Variants in PARL observed in about 807,000 individuals in gnomAD.
PARL encodes presenilin-associated rhomboid-like protein, mitochondrial.
A neutral mutation model predicts 51.6 loss-of-function variants in PARL; 44 were observed. The observed-to-expected ratio is 0.85, with a 90% CI of 0.67 to 1.10. The LOEUF (loss-of-function observed/expected upper bound fraction) is 1.10. Ranked by LOEUF, PARL falls within the 50% of genes least tolerant of loss-of-function variation. PARL has a pLI of 0.00. For synonymous variants in PARL, 172 were observed against 164.0 expected, an observed-to-expected ratio of 1.05 and a Z score of -0.37; for missense variants, 441 against 469.5, an observed-to-expected ratio of 0.94 and a Z score of 0.56.
chr3:183,839,684 G>T (rs1729060193), intron 7 of PARL, among the ~76,000 whole-genome samples: 1 of 151,960 alleles, frequency 6.6e-6, no homozygotes, highest in Admixed American at 6.6e-5. Context: ...CTCCCAAAGT[G>T]CTGGGATTAC....
At chr3:183,838,243 T>C (rs1728880705) in intron 7 of PARL, among the ~76,000 whole-genome samples, 1 of 152,034 alleles carries the variant, frequency 6.6e-6, no homozygotes, top group East Asian at 1.9e-4. Context: ...CCCAGGCTAG[T>C]CTCAAACCTC....
intron 1 of PARL, among the ~76,000 whole-genome samples, chr3:183,884,401 T>C (rs1229388779): frequency 6.6e-6 from 1 of 152,208 alleles, no homozygotes; most frequent in Non-Finnish European, 1.5e-5. Flanking sequence ...TACTAACTTC[T>C]TCACTTCAGA....
chr3:183,845,507 G>T (rs548999403), intron 4 of PARL, among the ~76,000 whole-genome samples: 1 of 152,318 alleles, frequency 6.6e-6, no homozygotes, highest in East Asian at 1.9e-4. Context: ...TCCATCAGTT[G>T]TATCAGATGT....
intron 4 of PARL, among the ~76,000 whole-genome samples, chr3:183,848,949 C>G (rs939221692): frequency 6.6e-6 from 1 of 151,862 alleles, no homozygotes; most frequent in African/African-American, 2.4e-5. Context: ...AAATTCATTG[C>G]TAGAGAAAAA....
At chr3:183,840,768 G>A in intron 6 of PARL, 128 bp from the exon 7 acceptor site, 1 of 601,614 alleles carries the variant, frequency 1.7e-6, no homozygotes, top group Middle Eastern at 4.7e-4. Context: ...AAGTGCAGTG[G>A]TACAATTTTG....
At chr3:183,855,967 C>CAAAAAAAAAAA (rs199686416) in intron 4 of PARL, among the ~76,000 whole-genome samples, 8 of 124,170 alleles carry the variant, frequency 6.4e-5, no homozygotes, top group Non-Finnish European at 1.2e-4. Flanking sequence ...AAAAAATAAA[C>CAAAAAAAAAAA]AAACAAAAAA....
Position 183,844,325 on chromosome 3 carries a change from A to G in PARL, c.513T>C (p.Gly171=). The stretch of plus-strand genomic sequence containing the variant: ...ATACAAGGACATTTGCAGCTATAAT[A>G]CCTACAAAATAAATATTTATAATTT... The part of the protein sequence containing the change: ...NLSDGQRTVT[G]IIAANVLVFC... The change falls in exon 5 of 10, where the codon GGT becomes GGC. Residue 171 remains glycine, a splice_region_variant and synonymous_variant. Coordinates refer to ENST00000317096, the MANE Select transcript of PARL (RefSeq NM_018622.7). 6.4e-7 allele frequency: 1 copy of G among 1,553,730 alleles called. No individual in the cohort carries two copies. The highest frequency in any genetic ancestry group is 8.9e-7 in the Non-Finnish European group (1 of 1,124,864).
intron 1 of PARL, among the ~76,000 whole-genome samples, chr3:183,869,454 C>A (rs531059812): frequency 2.6e-5 from 4 of 151,888 alleles, no homozygotes; most frequent in African/African-American, 9.7e-5. Flanking sequence ...GTGATCCACC[C>A]GCATTGGCCT....
chr3:183,840,599 TG>T lies in PARL; in HGVS notation c.798del (p.Thr267GlnfsTer15). On this transcript the variant is annotated frameshift_variant, in exon 7 of 10. Transcript: ENST00000317096. LOFTEE classifies it high-confidence loss of function. ...CCAAGTGATGGTCCATATCTTCCTG[TG>T]GCAACTTTACCCACGTAACTGACAA... ...SNFVSYVGKV[A>X]TGRYGPSLGA... The T allele has an allele frequency of 6.4e-7, 1 of 1,565,742 alleles. No homozygotes were observed. The highest frequency in any genetic ancestry group is 8.8e-7 in the Non-Finnish European group (1 of 1,141,698).
chr3:183,858,577 C>T (rs1731426311), intron 4 of PARL, among the ~76,000 whole-genome samples: 1 of 152,124 alleles, frequency 6.6e-6, no homozygotes, highest in African/African-American at 2.4e-5. Flanking sequence ...TTACCTGAAT[C>T]TCAATACAGT....
intron 6 of PARL, among the ~76,000 whole-genome samples, chr3:183,840,882 G>C (rs1233582837): frequency 6.6e-6 from 1 of 151,758 alleles, no homozygotes; most frequent in East Asian, 1.9e-4. Context: ...CCATGAAAAT[G>C]GTTTTCATTT....
chr3:183,841,749 G>A (rs1192862251), intron 6 of PARL, among the ~76,000 whole-genome samples: 2 of 152,108 alleles, frequency 1.3e-5, no homozygotes, highest in African/African-American at 2.4e-5. Flanking sequence ...AATAAGAAAC[G>A]ATACCATCTT....
chr3:183,849,202 A>G (rs763914636), intron 4 of PARL, among the ~76,000 whole-genome samples: 5 of 152,192 alleles, frequency 3.3e-5, no homozygotes, highest in Admixed American at 1.3e-4. Flanking sequence ...AGACATCTAT[A>G]GAACACACCA....
At chr3:183,863,540 T>G (rs1270976260) in intron 3 of PARL, among the ~76,000 whole-genome samples, 1 of 152,170 alleles carries the variant, frequency 6.6e-6, no homozygotes, top group African/African-American at 2.4e-5. Flanking sequence ...CCAGATTTTG[T>G]TATTAAAAGA....
intron 9 of PARL, among the ~76,000 whole-genome samples, chr3:183,832,380 G>A (rs1360369257): frequency 3.3e-5 from 5 of 151,884 alleles, no homozygotes; most frequent in East Asian, 1.9e-4. Flanking sequence ...CACCACGCCC[G>A]GCTAAGTTTT....
At chr3:183,853,610 C>T (rs936183406) in intron 4 of PARL, among the ~76,000 whole-genome samples, 3 of 152,046 alleles carry the variant, frequency 2.0e-5, no homozygotes, top group Admixed American at 2.0e-4. Context: ...TCAAATAACT[C>T]GAGTACTTGA....
At chr3:183,852,265 A>G (rs1577328306) in intron 4 of PARL, among the ~76,000 whole-genome samples, 1 of 152,372 alleles carries the variant, frequency 6.6e-6, no homozygotes, top group East Asian at 1.9e-4. Context: ...ATGTCCATCA[A>G]CAGAAGAATG....
At chr3:183,843,865 C>T (rs1729632551) in intron 5 of PARL, among the ~76,000 whole-genome samples, 1 of 151,774 alleles carries the variant, frequency 6.6e-6, no homozygotes, top group African/African-American at 2.4e-5. Context: ...ACGGTGAAAC[C>T]CTGTCTCTAT....
chr3:183,874,512 G>A (rs771585271), intron 1 of PARL, among the ~76,000 whole-genome samples: 19 of 151,284 alleles, frequency 1.3e-4, no homozygotes, highest in Non-Finnish European at 1.9e-4. Flanking sequence ...GGGTGCAAGC[G>A]ATTCTCCTGC....
Sources: gnomAD v4.1 joint callset for allele counts (sites outside exome capture counted in the v4.1 genomes callset) on GRCh38, gnomAD v4.1.1 for gene constraint, MANE v1.5 for transcripts, NCBI Gene and HGNC (gene_info 2026-07-23, HGNC 2026-07-21) for gene names.